Variants in ADAMTSL1 observed in about 807,000 individuals in gnomAD.
ADAMTSL1 encodes ADAMTS-like protein 1.
In ADAMTSL1, 126 loss-of-function variants were observed where a neutral mutation model predicts 201.8. That is an observed-to-expected ratio of 0.62 (90% confidence interval 0.54 to 0.72). ADAMTSL1 has a LOEUF of 0.72. Ranked by LOEUF, ADAMTSL1 falls within the 30% of genes least tolerant of loss-of-function variation. The pLI, the probability that ADAMTSL1 is intolerant of heterozygous loss-of-function variation, is 0.00. For synonymous variants in ADAMTSL1, 1,121 were observed against 903.4 expected (o/e 1.24, Z -4.32); for missense variants, 2,679 against 2,277.8 (o/e 1.18, Z -3.59).
chr9:17,998,255 C>T (rs1029619962), intron 1 of ADAMTSL1, among the ~76,000 whole-genome samples: 3 of 151,962 alleles, frequency 2.0e-5, no homozygotes, highest in Non-Finnish European at 2.9e-5. Context: ...TAATGGAAAC[C>T]AATGTCTCCA....
chr9:18,408,735 C>T (rs958231394), intron 2 of ADAMTSL1, among the ~76,000 whole-genome samples: 2 of 152,072 alleles, frequency 1.3e-5, no homozygotes, highest in African/African-American at 4.8e-5. Flanking sequence ...CACAACTATC[C>T]CCATTGCTAT....
At chr9:18,856,459 G>GTTTT (rs1350043601) in intron 23 of ADAMTSL1, among the ~76,000 whole-genome samples, 3 of 81,300 alleles carry the variant, frequency 3.7e-5, no homozygotes, top group Admixed American at 1.4e-4. Flanking sequence ...TGATAAGAAG[G>GTTTT]ATTTTTTTTT....
intron 1 of ADAMTSL1, among the ~76,000 whole-genome samples, chr9:17,994,183 G>A (rs1314472019): frequency 6.6e-6 from 1 of 152,138 alleles, no homozygotes; most frequent in South Asian, 2.1e-4. Flanking sequence ...CAAAGGCCCT[G>A]ACTAATCTGA....
At chr9:18,350,005 T>C (rs1292137779) in intron 2 of ADAMTSL1, among the ~76,000 whole-genome samples, 1 of 150,778 alleles carries the variant, frequency 6.6e-6, no homozygotes, top group Non-Finnish European at 1.5e-5. Flanking sequence ...AAAAGCACAA[T>C]GTGTTGTTGG....
intron 2 of ADAMTSL1, among the ~76,000 whole-genome samples, chr9:18,384,993 C>T (rs1230483041): frequency 1.3e-5 from 2 of 152,100 alleles, no homozygotes; most frequent in East Asian, 3.9e-4. Context: ...TGTGTCCACT[C>T]AGTAATACAC....
intron 2 of ADAMTSL1, among the ~76,000 whole-genome samples, chr9:18,252,647 C>T (rs543549680): frequency 7.2e-5 from 11 of 151,950 alleles, no homozygotes; most frequent in Non-Finnish European, 1.5e-4. Context: ...TTTCTATCCA[C>T]GGTTGATTGA....
At chr9:18,067,859 G>A (rs1470611652) in intron 1 of ADAMTSL1, among the ~76,000 whole-genome samples, 1 of 152,126 alleles carries the variant, frequency 6.6e-6, no homozygotes, top group Admixed American at 6.5e-5. Flanking sequence ...GCATAAGAGG[G>A]TTCTTTTCTA....
At chr9:18,193,471 C>T (rs184388934) in intron 2 of ADAMTSL1, among the ~76,000 whole-genome samples, 1 of 152,074 alleles carries the variant, frequency 6.6e-6, no homozygotes, top group African/African-American at 2.4e-5. Flanking sequence ...TTGGAAGAAG[C>T]CTTTCTCTCC....
chr9:18,270,716 T>G (rs990320480), intron 2 of ADAMTSL1, among the ~76,000 whole-genome samples: 8 of 152,184 alleles, frequency 5.3e-5, no homozygotes, highest in African/African-American at 1.9e-4. Context: ...CATCACAATT[T>G]CATGTTCCCC....
intron 1 of ADAMTSL1, among the ~76,000 whole-genome samples, chr9:17,956,240 GT>G (rs1827926668): frequency 6.6e-6 from 1 of 152,234 alleles, no homozygotes; most frequent in South Asian, 2.1e-4. Flanking sequence ...TGCCGTCAGT[GT>G]TTTGCAGAGA....
upstream of ADAMTSL1, among the ~76,000 whole-genome samples, chr9:18,470,828 C>A (rs142015043): frequency 1.8e-3 from 244 of 136,446 alleles, 1 homozygote; most frequent in African/African-American, 5.6e-3. Flanking sequence ...CTTCAGACAG[C>A]CCTGACACTC....
intron 2 of ADAMTSL1, among the ~76,000 whole-genome samples, chr9:18,398,066 C>A (rs1817822889): frequency 6.6e-6 from 1 of 152,176 alleles, no homozygotes; most frequent in Admixed American, 6.5e-5. Flanking sequence ...AAAGTACATT[C>A]AATCTAACAG....
At chr9:18,002,828 T>G (rs1819666771) in intron 1 of ADAMTSL1, among the ~76,000 whole-genome samples, 1 of 152,062 alleles carries the variant, frequency 6.6e-6, no homozygotes, top group Admixed American at 6.6e-5. Flanking sequence ...ACAAGAGAGT[T>G]AAATGACTTA....
At chr9:18,573,972 T>C in intron 3 of ADAMTSL1, 58 bp from the exon 4 acceptor site, 2 of 1,430,324 alleles carry the variant, frequency 1.4e-6, no homozygotes, top group South Asian at 2.5e-5. Context: ...CTGCTCTGGT[T>C]TCATGTTTGG....
intron 2 of ADAMTSL1, among the ~76,000 whole-genome samples, chr9:18,422,754 T>A (rs1185002419): frequency 6.6e-6 from 1 of 152,186 alleles, no homozygotes; most frequent in African/African-American, 2.4e-5. Flanking sequence ...TCCTGCAGCA[T>A]CCGGTATGGC....
intron 1 of ADAMTSL1, among the ~76,000 whole-genome samples, chr9:18,099,656 G>A (rs1398049575): frequency 1.1e-5 from 1 of 87,884 alleles, no homozygotes. Flanking sequence ...TTTTTTTCTT[G>A]AGATGGAGTC....
intron 26 of ADAMTSL1, among the ~76,000 whole-genome samples, chr9:18,898,551 A>C (rs1213021709): frequency 6.6e-6 from 1 of 152,244 alleles, no homozygotes; most frequent in Non-Finnish European, 1.5e-5. Flanking sequence ...TGATTGGGGT[A>C]CTTGAAAGAG....
chr9:18,389,904 A>C (rs1334507966), intron 2 of ADAMTSL1, among the ~76,000 whole-genome samples: 1 of 152,150 alleles, frequency 6.6e-6, no homozygotes, highest in Non-Finnish European at 1.5e-5. Context: ...GAGAAGCACA[A>C]ATTGTCTTTT....
chr9:18,631,283 C>T (rs1210389534), intron 5 of ADAMTSL1, among the ~76,000 whole-genome samples: 1 of 152,112 alleles, frequency 6.6e-6, no homozygotes, highest in African/African-American at 2.4e-5. Context: ...TCTTGTTTGG[C>T]CTGTCCAGTA....
Sources: allele counts gnomAD v4.1 joint callset (sites outside exome capture counted in the v4.1 genomes callset), GRCh38; gene constraint gnomAD v4.1.1; transcripts MANE v1.5; gene names NCBI Gene and HGNC (gene_info 2026-07-23, HGNC 2026-07-21).